The following NUP50 variants were observed in gnomAD, a reference collection of about 807,000 sequenced individuals.
The protein encoded by NUP50 is nuclear pore complex protein Nup50.
A neutral mutation model predicts 36.8 loss-of-function variants in NUP50; 14 were observed. The ratio of observed to expected loss-of-function variants is 0.38; its 90% CI spans 0.25 to 0.59. The LOEUF (loss-of-function observed/expected upper bound fraction) is 0.59, where lower values mean the gene tolerates loss of function less well. Among genes scored for constraint, NUP50 ranks in the 20% least tolerant of loss-of-function variants. NUP50 has a pLI of 0.63. For synonymous variants in NUP50, 195 were observed against 210.8 expected (o/e 0.93, Z 0.65); for missense variants, 455 against 564.6 (o/e 0.81, Z 1.97).
chr22:45,182,184 T>C (rs1482972645), intron 6 of NUP50, among the ~76,000 whole-genome samples: 1 of 152,072 alleles, frequency 6.6e-6, no homozygotes, highest in Non-Finnish European at 1.5e-5. Flanking sequence ...CTCATGCCTG[T>C]AATCCCAGCA....
intron 6 of NUP50, among the ~76,000 whole-genome samples, chr22:45,181,750 C>T (rs2074377207): frequency 5.3e-5 from 8 of 152,166 alleles, no homozygotes; most frequent in Admixed American, 3.3e-4. Context: ...GGTTTGGCCT[C>T]AGAAGGCATC....
chr22:45,179,097 G>A (rs1291984049), intron 5 of NUP50, 197 bp downstream of exon 5: 5 of 512,842 alleles, frequency 9.7e-6, no homozygotes, highest in African/African-American at 7.8e-5. Context: ...CTTTTGTAGG[G>A]TTGTTTATAA....
At chr22:45,176,140 C>T in intron 4 of NUP50, 60 bp downstream of exon 4, 1 of 1,542,078 alleles carries the variant, frequency 6.5e-7, no homozygotes, top group Non-Finnish European at 8.8e-7. Flanking sequence ...AATAGCTTTA[C>T]AAAGATGTTT....
rs2074457362 is a variant in NUP50, at chr22:45,185,609, T to C, written c.*954T>C. 1 of 152,220 alleles carries C rather than the reference T, an allele frequency of 6.6e-6. No individual in the cohort carries two copies. Among genetic ancestry groups the C allele is most frequent in the African/African-American group, 2.4e-5 (1 of 41,444 alleles). 9.4% of individuals were successfully genotyped at this position (152,220 alleles called of 1,614,324 possible). A position where few individuals can be genotyped will look rare whatever the true frequency, so the allele number is the denominator to read the frequency against. On this transcript the variant is annotated 3_prime_UTR_variant, in exon 8 of 8. Coordinates refer to ENST00000347635, the MANE Select transcript of NUP50 (RefSeq NM_007172.4). ...TGTGAATTCACTAGGAAACATGTAA[T>C]AAAGTCATGGAAGAGAAAATCGTGT...
rs1003387214 is a variant in NUP50 at position 45,186,137 on chromosome 22, G to A, written c.*1482G>A. On this transcript the variant is annotated 3_prime_UTR_variant, in exon 8 of 8. Coordinates refer to ENST00000347635, the MANE Select transcript of NUP50 (RefSeq NM_007172.4). Reference sequence around the variant, plus strand: ...GTGATTGGGCCAATGTTGGCATGAGGTTCTTGCTCTACTTCCAGTGTTTTG... The same window carrying A: ...GTGATTGGGCCAATGTTGGCATGAGATTCTTGCTCTACTTCCAGTGTTTTG... 8 of 152,322 alleles carry A rather than the reference G, an allele frequency of 5.3e-5. No individual in the cohort carries two copies. The highest frequency in any genetic ancestry group is 3.4e-3 in the Middle Eastern group (1 of 294). The allele number at this position is 152,322 out of a possible 1,614,324, so 9.4% of individuals were successfully genotyped here. A position where few individuals can be genotyped will look rare whatever the true frequency, so the allele number is the denominator to read the frequency against.
In NUP50 at chr22:45,184,819, A is replaced by C; in HGVS notation, c.*164A>C. 1 of 628,806 alleles carries C rather than the reference A, an allele frequency of 1.6e-6. No homozygotes were observed. The highest frequency in any genetic ancestry group is 2.7e-5 in the East Asian group (1 of 36,506). 39.0% of individuals were successfully genotyped at this position (628,806 alleles called of 1,614,324 possible). Reference sequence around the variant, plus strand: ...TGGCCAATAAAACCTTTAAATGTTAAGTGTCAAGAAACTGCACTCTCCCTT... The same window carrying C: ...TGGCCAATAAAACCTTTAAATGTTACGTGTCAAGAAACTGCACTCTCCCTT... On this transcript the variant is annotated 3_prime_UTR_variant, in exon 8 of 8. Transcript: ENST00000347635.
chr22:45,182,415 C>T (rs1374697728), intron 6 of NUP50, among the ~76,000 whole-genome samples: 2 of 152,128 alleles, frequency 1.3e-5, no homozygotes, highest in Non-Finnish European at 2.9e-5. Flanking sequence ...GCACTCCAGC[C>T]TGGGCCACAG....
chr22:45,173,338 G>GCTTTTTT (rs1215080325), intron 3 of NUP50, among the ~76,000 whole-genome samples: 1 of 134,952 alleles, frequency 7.4e-6, no homozygotes, highest in African/African-American at 2.8e-5. Flanking sequence ...AACTTCAGGT[G>GCTTTTTT]TTTTTTTTTT....
At chr22:45,168,865 C>T (rs1262019887) in intron 2 of NUP50, among the ~76,000 whole-genome samples, 3 of 150,684 alleles carry the variant, frequency 2.0e-5, no homozygotes, top group African/African-American at 4.9e-5. Context: ...TAGGACTGGG[C>T]AGCATAGAGA....
intron 5 of NUP50, among the ~76,000 whole-genome samples, chr22:45,180,658 G>C (rs773044489): frequency 1.3e-5 from 2 of 152,166 alleles, no homozygotes; most frequent in Non-Finnish European, 2.9e-5. Flanking sequence ...GATTACAGGC[G>C]TGAGCCACTG....
chr22:45,184,710 CTTAAAG>C lies in NUP50; in HGVS notation c.*59_*64del, dbSNP rs141363348. The C allele has an allele frequency of 0.17, 228,632 of 1,308,528 alleles. 24,726 individuals carry two copies. The highest frequency in any genetic ancestry group is 0.53 in the East Asian group (22,880 of 43,198). 81.1% of individuals were successfully genotyped at this position (1,308,528 alleles called of 1,614,324 possible). A position where few individuals can be genotyped will look rare whatever the true frequency, so the allele number is the denominator to read the frequency against. ...CAAGTTGCTGCTGCTTCCACCGCCC[CTTAAAG>C]TTAGTCAGTTTTTCTTCTCTTCTTT... On this transcript the variant is annotated 3_prime_UTR_variant, in exon 8 of 8. Transcript: ENST00000347635.
At chr22:45,170,893 C>T (rs1464101918) in intron 2 of NUP50, 1 of 904,204 alleles carries the variant, frequency 1.1e-6, no homozygotes, top group Non-Finnish European at 1.5e-6. Flanking sequence ...AGATGGTCCC[C>T]TCTATGAGTG....
chr22:45,171,765 G>C (rs1348210533), intron 3 of NUP50, 82 bp downstream of exon 3: 1 of 1,063,330 alleles, frequency 9.4e-7, no homozygotes, highest in Admixed American at 1.8e-5. Flanking sequence ...TGGGAGCAAT[G>C]ATATCAACAA....
intron 1 of NUP50, among the ~76,000 whole-genome samples, chr22:45,166,840 A>T (rs2074102770): frequency 3.3e-5 from 5 of 152,044 alleles, no homozygotes; most frequent in Admixed American, 2.6e-4. Context: ...TGGAAAGTGT[A>T]TTTATTTCTC....
rs145678400 is a variant in NUP50 at position 45,169,233 on chromosome 22, G to A, written c.69+987G>A. Among the ~76,000 whole-genome samples, 760 of 152,262 alleles carry A rather than the reference G, an allele frequency of 5.0e-3. 3 individuals carry two copies. The highest frequency in any genetic ancestry group is 8.6e-3 in the Non-Finnish European group (582 of 68,018). On this transcript the variant is annotated intron_variant, in intron 2 of 7. Coordinates refer to ENST00000347635, the MANE Select transcript of NUP50 (RefSeq NM_007172.4). Reference sequence around the variant, plus strand: ...AAAATTGTTTTAATTAGCTGAACATGGTGGCATGAGCCTATAGTCACAGCA... The same window carrying A: ...AAAATTGTTTTAATTAGCTGAACATAGTGGCATGAGCCTATAGTCACAGCA...
Position 45,183,476 on chromosome 22 carries a change from C to T in NUP50, c.1160C>T (p.Ala387Val). ...GIGTLHLKPT[A>V]NQKTQLLVRA... The stretch of plus-strand genomic sequence containing the variant: ...GGTACTCTGCATTTAAAACCTACAG[C>T]AAATCAGAAGACACAGCTTTTGGTG... Residue 387 changes from alanine to valine, a missense_variant, in exon 7 of 8, where the codon GCA becomes GTA. By Grantham distance (64) the Ala-to-Val change is moderately conservative. Around this residue, in one of 3 missense-constraint regions of NUP50, gnomAD observed 287 missense variants for 345.5 expected, o/e 0.83. Transcript: ENST00000347635. 2 of 1,612,228 alleles carry T rather than the reference C, an allele frequency of 1.2e-6. No individual in the cohort carries two copies.
intron 1 of NUP50, among the ~76,000 whole-genome samples, chr22:45,167,270 G>C (rs1193913344): frequency 3.9e-5 from 6 of 152,188 alleles, no homozygotes; most frequent in African/African-American, 1.4e-4. Context: ...GAAATGGAAA[G>C]GTTTTTTGTC....
chr22:45,181,218 C>G (rs1247606051), intron 5 of NUP50, 68 bp from the exon 6 acceptor site: 9 of 1,002,884 alleles, frequency 9.0e-6, no homozygotes, highest in Non-Finnish European at 1.4e-6. Flanking sequence ...TGTTACGTAA[C>G]AAAACTTCAG....
At chr22:45,178,976 C>A (rs1231044882) in intron 5 of NUP50, 76 bp downstream of exon 5, 2 of 1,381,434 alleles carry the variant, frequency 1.4e-6, no homozygotes, top group Non-Finnish European at 2.0e-6. Flanking sequence ...GACTTTGATT[C>A]CAAATATGAG....
Sources: allele counts gnomAD v4.1 joint callset (sites outside exome capture counted in the v4.1 genomes callset), GRCh38; gene constraint gnomAD v4.1.1; regional missense constraint gnomAD v4.1.1; transcripts MANE v1.5; gene names NCBI Gene and HGNC (gene_info 2026-07-23, HGNC 2026-07-21).